The following LRRC4C variants were observed in gnomAD, a reference collection of about 807,000 sequenced individuals.
The protein encoded by LRRC4C is leucine-rich repeat-containing protein 4C.
In LRRC4C, 5 loss-of-function variants were observed where a neutral mutation model predicts 33.6. That is an observed-to-expected ratio of 0.15 (90% CI 0.08 to 0.31). LRRC4C has a LOEUF of 0.31. Ranked by LOEUF, LRRC4C falls within the 10% of genes least tolerant of loss-of-function variation. The pLI, the probability that LRRC4C is intolerant of heterozygous loss-of-function variation, is 1.00. For missense variants in LRRC4C, 560 were observed against 796.7 expected (o/e 0.70, Z 3.58); for synonymous variants, 329 against 302.0 (o/e 1.09, Z -0.93).
chr11:41,241,699 T>G (rs931602925), intron 1 of LRRC4C, among the ~76,000 whole-genome samples: 1 of 152,174 alleles, frequency 6.6e-6, no homozygotes, highest in African/African-American at 2.4e-5. Flanking sequence ...TAGGTATCAC[T>G]TTTCTTTTGA....
intron 3 of LRRC4C, among the ~76,000 whole-genome samples, chr11:40,498,267 G>A (rs1223634730): frequency 6.6e-6 from 1 of 152,100 alleles, no homozygotes; most frequent in Non-Finnish European, 1.5e-5. Context: ...ACTCCTGGAA[G>A]TAACGCTACA....
chr11:41,075,473 G>T (rs1659522245), intron 1 of LRRC4C, among the ~76,000 whole-genome samples: 1 of 151,960 alleles, frequency 6.6e-6, no homozygotes, highest in Non-Finnish European at 1.5e-5. Flanking sequence ...ATTAGTGGAA[G>T]GTATTATTTT....
intron 3 of LRRC4C, among the ~76,000 whole-genome samples, chr11:40,409,735 G>A (rs1298352095): frequency 6.6e-6 from 1 of 151,870 alleles, no homozygotes; most frequent in Non-Finnish European, 1.5e-5. Context: ...AAAATAACAC[G>A]GTTTAGAAAT....
chr11:40,553,911 G>T (rs1370856800), intron 3 of LRRC4C, among the ~76,000 whole-genome samples: 2 of 151,254 alleles, frequency 1.3e-5, no homozygotes, highest in Admixed American at 1.3e-4. Flanking sequence ...TCTGTTGATA[G>T]TTTCTTTTTT....
At chr11:41,408,755 A>AAAAAAAAAAAAACAAAC (rs1555167136) in intron 1 of LRRC4C, among the ~76,000 whole-genome samples, 23 of 148,010 alleles carry the variant, frequency 1.6e-4, no homozygotes, top group African/African-American at 6.1e-4. Context: ...TGTAAAAAAA[A>AAAAAAAAAAAAACAAAC]AAAAAAAAAA....
intron 1 of LRRC4C, among the ~76,000 whole-genome samples, chr11:40,934,137 A>G (rs1025720625): frequency 1.3e-5 from 2 of 151,852 alleles, no homozygotes; most frequent in Non-Finnish European, 2.9e-5. Context: ...CCTCTATACC[A>G]TTTTCCTTCT....
chr11:40,866,920 C>A (rs1954396068), intron 2 of LRRC4C, among the ~76,000 whole-genome samples: 2 of 152,040 alleles, frequency 1.3e-5, no homozygotes, highest in African/African-American at 4.8e-5. Context: ...AACTCTGATT[C>A]TTTTCCATTA....
chr11:40,441,557 C>G (rs751025460), intron 3 of LRRC4C, among the ~76,000 whole-genome samples: 6 of 152,142 alleles, frequency 3.9e-5, no homozygotes, highest in Non-Finnish European at 7.3e-5. Context: ...ATTTAGAACA[C>G]AGGTTTATTT....
At chr11:40,726,529 C>G (rs775566155) in intron 2 of LRRC4C, among the ~76,000 whole-genome samples, 17 of 152,058 alleles carry the variant, frequency 1.1e-4, no homozygotes, top group Non-Finnish European at 2.5e-4. Flanking sequence ...TCAATAGATA[C>G]AGAAAAGCTT....
At chr11:40,776,858 T>C (rs1444213591) in intron 2 of LRRC4C, among the ~76,000 whole-genome samples, 1 of 152,160 alleles carries the variant, frequency 6.6e-6, no homozygotes, top group African/African-American at 2.4e-5. Flanking sequence ...TTGTTTTAGG[T>C]GTTCAGAGCT....
In LRRC4C at chr11:40,114,502, G is replaced by A. The variant is rs751674170; in HGVS notation, c.1791C>T (p.His597=). The A allele has an allele frequency of 6.2e-7, 1 of 1,614,142 alleles. No homozygotes were observed. The highest frequency in any genetic ancestry group is 1.7e-5 in the Admixed American group (1 of 60,022). Residue 597 remains histidine (H), a synonymous_variant, in exon 7 of 7, where the codon CAC becomes CAT. Transcript: ENST00000528697. ...TGAAGGGAGATTTGTATGAGTTATA[G>A]TGATTTAGGTGCTCATGCTCGATAG... ...MPAIEHEHLN[H]YNSYKSPFNH... is the part of the protein sequence containing the mutation.
At position 40,400,570 on chromosome 11, in the gene LRRC4C, A is replaced by C. The variant is rs544698707; in HGVS notation, c.-269-80849T>G. Among the ~76,000 whole-genome samples, 3 of 152,148 alleles carry C rather than the reference A, an allele frequency of 2.0e-5. No individual in the cohort carries two copies. In the East Asian group the frequency reaches 5.8e-4, roughly 29 times the overall value. ...TACCTGGAAAAAAAGTTAATTTCAC[A>C]TTTGGGATGTATCCTCTAGCTAGCC... On this transcript the variant is annotated intron_variant, in intron 3 of 6. Coordinates refer to ENST00000528697, the MANE Select transcript of LRRC4C (RefSeq NM_001258419.2).
At chr11:40,763,845 C>A (rs1348217648) in intron 2 of LRRC4C, among the ~76,000 whole-genome samples, 2 of 152,152 alleles carry the variant, frequency 1.3e-5, no homozygotes, top group South Asian at 2.1e-4. Flanking sequence ...TGGGCTAAAG[C>A]ATTTTGGAGT....
rs567598093 is a variant in LRRC4C, at chr11:41,315,283, A to T, written c.-496+144148T>A. Among the ~76,000 whole-genome samples the T allele has an allele frequency of 6.6e-5, 10 of 152,314 alleles. No individual in the cohort carries two copies. In the South Asian group the frequency reaches 1.5e-3, roughly 22 times the overall value. On this transcript the variant is annotated intron_variant, in intron 1 of 6. Coordinates refer to ENST00000528697, the MANE Select transcript of LRRC4C (RefSeq NM_001258419.2). The stretch of plus-strand genomic sequence containing the variant: ...CAATGATCGTCATCTTCTGGTATTC[A>T]TGCCATTGTGTAGACCCTGCCCATA...
At chr11:40,257,145 T>A (rs1315803501) in intron 4 of LRRC4C, among the ~76,000 whole-genome samples, 2 of 152,178 alleles carry the variant, frequency 1.3e-5, no homozygotes, top group Non-Finnish European at 2.9e-5. Flanking sequence ...GGCCACCCAA[T>A]TATAATCAGT....
At chr11:41,268,341 A>G (rs909024886) in intron 1 of LRRC4C, among the ~76,000 whole-genome samples, 6 of 152,118 alleles carry the variant, frequency 3.9e-5, no homozygotes, top group African/African-American at 1.2e-4. Context: ...ACAGCCTTGC[A>G]GAGGACCCCG....
At chr11:40,540,391 C>A (rs180876373) in intron 3 of LRRC4C, among the ~76,000 whole-genome samples, 6 of 152,266 alleles carry the variant, frequency 3.9e-5, no homozygotes. Context: ...AACCTGCCAA[C>A]CTCACCTCTG....
At chr11:41,182,771 G>A (rs183788493) in intron 1 of LRRC4C, among the ~76,000 whole-genome samples, 127 of 151,160 alleles carry the variant, frequency 8.4e-4, no homozygotes, top group Middle Eastern at 3.4e-3. Context: ...TCTGTCTCCC[G>A]TGATGTATTT....
At chr11:40,593,643 G>A (rs1959158392) in intron 3 of LRRC4C, among the ~76,000 whole-genome samples, 1 of 152,118 alleles carries the variant, frequency 6.6e-6, no homozygotes, top group Non-Finnish European at 1.5e-5. Flanking sequence ...ATGATTACCT[G>A]TTCTAGAACT....
Sources: allele counts gnomAD v4.1 joint callset (sites outside exome capture counted in the v4.1 genomes callset), GRCh38; gene constraint gnomAD v4.1.1; transcripts MANE v1.5; gene names NCBI Gene and HGNC (gene_info 2026-07-23, HGNC 2026-07-21).